The following NEIL3 variants were observed in gnomAD, a reference collection of about 807,000 sequenced individuals.
NEIL3 encodes the protein nei like DNA glycosylase 3, also known as endonuclease 8-like 3.
In NEIL3, 48 loss-of-function variants were observed where a neutral mutation model predicts 57.5. The observed-to-expected ratio is 0.83, with a 90% CI of 0.66 to 1.06. NEIL3 has a LOEUF of 1.06. Ranked by LOEUF, NEIL3 falls within the 50% of genes least tolerant of loss-of-function variation. NEIL3 has a pLI of 0.00. For missense variants in NEIL3, 717 were observed against 739.1 expected (o/e 0.97, Z 0.35); for synonymous variants, 261 against 253.2 (o/e 1.03, Z -0.29).
chr4:177,315,447 A>C (rs565325639), intron 1 of NEIL3, among the ~76,000 whole-genome samples: 113 of 152,360 alleles, frequency 7.4e-4, no homozygotes, highest in Non-Finnish European at 1.4e-3. Context: ...AAAAGGATGA[A>C]ATGTTCAAAT....
chr4:177,357,319 C>A (rs1485175647), intron 8 of NEIL3, among the ~76,000 whole-genome samples: 1 of 152,082 alleles, frequency 6.6e-6, no homozygotes, highest in Non-Finnish European at 1.5e-5. Flanking sequence ...TTGAATGCAG[C>A]CCAACACAAA....
In NEIL3 at chr4:177,353,578, C is replaced by T. The variant is rs755788378; in HGVS notation, c.1310C>T (p.Thr437Ile). 1.2e-6 allele frequency: 2 copies of T among 1,613,216 alleles called. No individual in the cohort carries two copies. The highest frequency in any genetic ancestry group is 1.1e-5 in the South Asian group (1 of 91,038). Residue 437 changes from threonine to isoleucine, a missense_variant, in exon 8 of 10, where the codon ACA (threonine) becomes ATA (isoleucine). Coordinates refer to ENST00000264596, the MANE Select transcript of NEIL3 (RefSeq NM_018248.3). ...NDIQHPSKKT[T>I]NDITQPSSKV... ...ATACAGCACCCCTCCAAGAAGACAA[C>T]AAACGATATAACTCAACCATCCAGC...
chr4:177,309,893 G>A lies in NEIL3; in HGVS notation c.-61G>A. The A allele has an allele frequency of 2.6e-6, 4 of 1,553,660 alleles. No individual in the cohort carries two copies. The highest frequency in any genetic ancestry group is 3.5e-6 in the Non-Finnish European group (4 of 1,154,550). ...GCGGTCAGTGCCCGCGCAGCGTTGA[G>A]TTGCACAGCGGTATTCTCACCAGGC... On this transcript the variant is annotated 5_prime_UTR_variant, in exon 1 of 10. Coordinates refer to ENST00000264596, the MANE Select transcript of NEIL3 (RefSeq NM_018248.3).
chr4:177,330,817 A>G (rs895177202), intron 2 of NEIL3, among the ~76,000 whole-genome samples: 1 of 152,210 alleles, frequency 6.6e-6, no homozygotes, highest in Non-Finnish European at 1.5e-5. Context: ...CTTTTTTTAT[A>G]CTAAGTCTTC....
At chr4:177,364,858 G>A (rs559481027), downstream of NEIL3, among the ~76,000 whole-genome samples, 1 of 151,896 alleles carries the variant, frequency 6.6e-6, no homozygotes, top group African/African-American at 2.4e-5. Flanking sequence ...AACCTGGAAG[G>A]TGGAGGTTGC....
chr4:177,323,808 T>C (rs1734731942), intron 2 of NEIL3, among the ~76,000 whole-genome samples: 1 of 152,168 alleles, frequency 6.6e-6, no homozygotes, highest in African/African-American at 2.4e-5. Flanking sequence ...TTTTATCAAG[T>C]GCTCTCCACC....
chr4:177,369,630 G>GCA, the NEIL3 span, among the ~76,000 whole-genome samples: 2 of 152,142 alleles, frequency 1.3e-5, no homozygotes, highest in Non-Finnish European at 2.9e-5. Flanking sequence ...GAGATGGTAT[G>GCA]CATGGTGGTT....
intron 2 of NEIL3, among the ~76,000 whole-genome samples, chr4:177,326,018 C>G (rs1734773083): frequency 6.6e-6 from 1 of 152,048 alleles, no homozygotes; most frequent in Non-Finnish European, 1.5e-5. Context: ...TTAACCATAT[C>G]TCTTCAAGAT....
intron 8 of NEIL3, among the ~76,000 whole-genome samples, chr4:177,358,291 TG>T (rs1735523821): frequency 6.6e-6 from 1 of 152,000 alleles, no homozygotes; most frequent in Non-Finnish European, 1.5e-5. Flanking sequence ...CACGTGGCTA[TG>T]TTTTTGTTGT....
chr4:177,322,654 G>C, intron 2 of NEIL3, 74 bp downstream of exon 2: 1 of 1,574,470 alleles, frequency 6.4e-7, no homozygotes, highest in Non-Finnish European at 8.7e-7. Context: ...GGAGTTTGCC[G>C]GGTGTCACAT....
chr4:177,358,554 G>A (rs1034210758), intron 8 of NEIL3, among the ~76,000 whole-genome samples: 4 of 152,094 alleles, frequency 2.6e-5, no homozygotes, highest in Non-Finnish European at 4.4e-5. Context: ...TGATCCGCCC[G>A]GCTCAGCCTC....
chr4:177,310,834 C>T (rs1467167242), intron 1 of NEIL3, among the ~76,000 whole-genome samples: 4 of 152,200 alleles, frequency 2.6e-5, no homozygotes, highest in African/African-American at 9.6e-5. Context: ...TTCATGCCTA[C>T]ATGCAATATT....
At chr4:177,342,765 C>G (rs995662044) in intron 6 of NEIL3, among the ~76,000 whole-genome samples, 1 of 152,178 alleles carries the variant, frequency 6.6e-6, no homozygotes, top group Non-Finnish European at 1.5e-5. Flanking sequence ...GGCCACAAAC[C>G]TTGACTCATT....
intron 2 of NEIL3, among the ~76,000 whole-genome samples, chr4:177,328,541 C>T (rs1281619424): frequency 6.6e-6 from 1 of 152,052 alleles, no homozygotes; most frequent in African/African-American, 2.4e-5. Context: ...GCAACGTTTG[C>T]TGAAAGAAAA....
chr4:177,371,181 A>G, the NEIL3 span, among the ~76,000 whole-genome samples: 2 of 152,188 alleles, frequency 1.3e-5, no homozygotes, highest in Admixed American at 6.5e-5. Context: ...TTCCATATCT[A>G]CCTTCCATAT....
chr4:177,370,853 A>T, the NEIL3 span, among the ~76,000 whole-genome samples: 1 of 152,126 alleles, frequency 6.6e-6, no homozygotes, highest in East Asian at 1.9e-4. Context: ...GTGAGCCATG[A>T]TCATACCACT....
At chr4:177,351,351 A>C (rs775425251) in intron 6 of NEIL3, 29 bp from the exon 7 acceptor site, 4 of 1,516,200 alleles carry the variant, frequency 2.6e-6, no homozygotes, top group Middle Eastern at 1.7e-4. Flanking sequence ...CAATAATAAC[A>C]ATGATTAATT....
At position 177,359,892 on chromosome 4, in the gene NEIL3, C is replaced by T. The variant is rs139096433; in HGVS notation, c.1461-611C>T. Among the ~76,000 whole-genome samples the T allele has an allele frequency of 8.3e-4, 127 of 152,318 alleles. 4 individuals carry two copies. In the East Asian group the frequency reaches 0.015, roughly 19 times the overall value. On this transcript the variant is annotated intron_variant, in intron 8 of 9. Coordinates refer to ENST00000264596, the MANE Select transcript of NEIL3 (RefSeq NM_018248.3). Reference sequence around the variant, plus strand: ...CTAATTATGGGGGAGAATAAAGCTTCCCTGCTAGCTTTACAAAATTCACAT... The same window carrying T: ...CTAATTATGGGGGAGAATAAAGCTTTCCTGCTAGCTTTACAAAATTCACAT...
At chr4:177,361,585 G>A (rs1735608355) in intron 9 of NEIL3, among the ~76,000 whole-genome samples, 1 of 152,090 alleles carries the variant, frequency 6.6e-6, no homozygotes, top group East Asian at 1.9e-4. Flanking sequence ...TTTTATAGAT[G>A]TAATGGGAAA....
Sources: gnomAD v4.1 joint callset for allele counts (sites outside exome capture counted in the v4.1 genomes callset) on GRCh38, gnomAD v4.1.1 for gene constraint, MANE v1.5 for transcripts, NCBI Gene and HGNC (gene_info 2026-07-23, HGNC 2026-07-21) for gene names.